The following AFF3 variants were observed in gnomAD, a reference collection of about 807,000 sequenced individuals.
AFF3 encodes ALF transcription elongation factor 3.
A neutral mutation model predicts 129.7 loss-of-function variants in AFF3; 32 were observed. The observed-to-expected ratio is 0.25, with a 90% CI of 0.19 to 0.33. AFF3 has a LOEUF of 0.33. AFF3 is among the 10% of genes least tolerant of loss of function. The pLI is 1.00. For synonymous variants in AFF3, 644 were observed against 635.4 expected, an observed-to-expected ratio of 1.01 and a Z score of -0.20; for missense variants, 1,373 against 1,592.0, an observed-to-expected ratio of 0.86 and a Z score of 2.34.
At chr2:99,651,164 A>T (rs1043372955) in intron 12 of AFF3, among the ~76,000 whole-genome samples, 1 of 133,158 alleles carries the variant, frequency 7.5e-6, no homozygotes, top group African/African-American at 2.8e-5. Flanking sequence ...CAACAGCAAA[A>T]GTCTGTCTCA....
rs541237122 is a variant in AFF3, at chr2:99,739,184, T to C, written c.1039+4920A>G. Among the ~76,000 whole-genome samples the C allele has an allele frequency of 9.2e-5, 14 of 152,172 alleles. No individual in the cohort carries two copies. In the East Asian group the frequency reaches 2.1e-3, roughly 23 times the overall value. On this transcript the variant is annotated intron_variant, in intron 10 of 24. Coordinates refer to ENST00000672756, the MANE Select transcript of AFF3 (RefSeq NM_001386135.1). ...GCAAGCAATTCGCACTTGTTCTCTC[T>C]TGGGGTCCAGTGGAAATGTGGTCTT...
chr2:99,829,636 G>A (rs1050932833), intron 8 of AFF3, among the ~76,000 whole-genome samples: 1 of 152,338 alleles, frequency 6.6e-6, no homozygotes, highest in South Asian at 2.1e-4. Context: ...GGCAACAGAC[G>A]CTGGCAAGGC....
chr2:99,985,996 C>T (rs1463767542), intron 7 of AFF3, among the ~76,000 whole-genome samples: 6 of 151,914 alleles, frequency 3.9e-5, no homozygotes, highest in South Asian at 4.2e-4. Flanking sequence ...GTCAGGAGAC[C>T]GAGACCATCC....
chr2:99,975,300 GA>G (rs1009952875), intron 7 of AFF3, among the ~76,000 whole-genome samples: 1 of 152,066 alleles, frequency 6.6e-6, no homozygotes, highest in Non-Finnish European at 1.5e-5. Context: ...TAGATATTTT[GA>G]ATTATCATAC....
chr2:100,040,692 G>C (rs544289150), intron 4 of AFF3, among the ~76,000 whole-genome samples: 5 of 152,340 alleles, frequency 3.3e-5, no homozygotes, highest in Admixed American at 6.5e-5. Context: ...CTACCGACAG[G>C]CTTGCTATTT....
chr2:99,568,947 A>G (rs754999793), intron 18 of AFF3, 32 bp from the exon 19 acceptor site: 1 of 1,590,428 alleles, frequency 6.3e-7, no homozygotes, highest in Admixed American at 1.7e-5. Context: ...AAACGTCATT[A>G]TGGCTTAAGT....
chr2:99,558,086 T>C (rs1675117651), intron 22 of AFF3, among the ~76,000 whole-genome samples: 1 of 152,198 alleles, frequency 6.6e-6, no homozygotes, highest in African/African-American at 2.4e-5. Flanking sequence ...TTTATCCCTA[T>C]AGCTACACAC....
intron 8 of AFF3, among the ~76,000 whole-genome samples, chr2:99,824,536 G>T (rs58241853): frequency 2.0e-5 from 3 of 152,130 alleles, no homozygotes; most frequent in African/African-American, 4.8e-5. Flanking sequence ...AGAATGAACT[G>T]CCCATAGGAT....
At chr2:99,992,545 G>A (rs1193909127) in intron 7 of AFF3, among the ~76,000 whole-genome samples, 1 of 152,168 alleles carries the variant, frequency 6.6e-6, no homozygotes, top group Non-Finnish European at 1.5e-5. Flanking sequence ...ACCAGAATAA[G>A]ATAATAGGGA....
At chr2:99,589,552 C>A (rs1257430304) in intron 15 of AFF3, among the ~76,000 whole-genome samples, 1 of 152,008 alleles carries the variant, frequency 6.6e-6, no homozygotes, top group Non-Finnish European at 1.5e-5. Context: ...CAGGCACGCG[C>A]CACCACGCCC....
chr2:99,699,613 G>A (rs1413766489), intron 11 of AFF3, among the ~76,000 whole-genome samples: 1 of 113,180 alleles, frequency 8.8e-6, no homozygotes, highest in Admixed American at 9.5e-5. Flanking sequence ...GCCCACAGAG[G>A]TGGGCAGTGG....
rs796273844 is a variant in AFF3 at position 100,063,274 on chromosome 2, T to C, written c.53+41128A>G. On this transcript the variant is annotated intron_variant, in intron 4 of 24. Coordinates refer to ENST00000672756, the MANE Select transcript of AFF3 (RefSeq NM_001386135.1). The stretch of plus-strand genomic sequence containing the variant: ...TCTCAAAAAAAAAAAAAAAAAAAAA[T>C]GACCAGGCAGTTTCAGCTTTGCAAA... Among the ~76,000 whole-genome samples the C allele has an allele frequency of 4.9e-3, 440 of 89,682 alleles. 3 individuals carry two copies. The highest frequency in any genetic ancestry group is 0.018 in the African/African-American group (420 of 23,972). 58.8% of individuals were successfully genotyped at this position (89,682 alleles called of 152,430 possible).
At position 100,122,704 on chromosome 2, in the gene AFF3, GT is replaced by G. The variant is rs201792533; in HGVS notation, c.-145+6519del. 8.3e-3 allele frequency among the ~76,000 whole-genome samples: 1,269 copies of G among 152,292 alleles called. 11 individuals carry two copies. Among genetic ancestry groups the G allele is most frequent in the Non-Finnish European group, 0.014 (962 of 68,022 alleles). ...GCAAAATGGCTGTTTGATAAATGAA[GT>G]CAATGTTTCTCAAAATGTGAGTTTT... On this transcript the variant is annotated intron_variant, in intron 2 of 24. Coordinates refer to ENST00000672756, the MANE Select transcript of AFF3 (RefSeq NM_001386135.1).
At chr2:99,609,560 T>A (rs1442400906) in intron 13 of AFF3, among the ~76,000 whole-genome samples, 1 of 152,246 alleles carries the variant, frequency 6.6e-6, no homozygotes, top group African/African-American at 2.4e-5. Context: ...TGCCATTAAT[T>A]CATTCGTTTT....
intron 8 of AFF3, among the ~76,000 whole-genome samples, chr2:99,768,240 G>A (rs1165984566): frequency 2.0e-5 from 3 of 151,578 alleles, no homozygotes; most frequent in Non-Finnish European, 4.4e-5. Flanking sequence ...GTTAAACATT[G>A]CAAAAAAAAT....
intron 4 of AFF3, among the ~76,000 whole-genome samples, chr2:100,079,221 CAGGCATG>C (rs1390054012): frequency 6.6e-6 from 1 of 152,170 alleles, no homozygotes; most frequent in African/African-American, 2.4e-5. Flanking sequence ...GCTGGGATTA[CAGGCATG>C]AGCCACAGTG....
At chr2:100,023,362 G>A (rs1274967903) in intron 4 of AFF3, among the ~76,000 whole-genome samples, 2 of 152,044 alleles carry the variant, frequency 1.3e-5, no homozygotes, top group Non-Finnish European at 2.9e-5. Flanking sequence ...GTTTATGACT[G>A]GCACAAAGAA....
intron 7 of AFF3, among the ~76,000 whole-genome samples, chr2:99,858,740 G>A (rs983853026): frequency 1.3e-5 from 2 of 152,182 alleles, no homozygotes; most frequent in East Asian, 3.9e-4. Flanking sequence ...CAGTCACTGG[G>A]GACTTTTGGA....
At chr2:99,710,246 A>G (rs1418811127) in intron 11 of AFF3, among the ~76,000 whole-genome samples, 1 of 152,098 alleles carries the variant, frequency 6.6e-6, no homozygotes, top group Non-Finnish European at 1.5e-5. Context: ...GGCACACAGT[A>G]TTCAGTATTT....
Sources: allele counts gnomAD v4.1 joint callset (sites outside exome capture counted in the v4.1 genomes callset), GRCh38; gene constraint gnomAD v4.1.1; transcripts MANE v1.5; gene names NCBI Gene and HGNC (gene_info 2026-07-23, HGNC 2026-07-21).